Variants in C12orf42 observed in about 807,000 individuals in gnomAD.
The protein encoded by C12orf42 is chromosome 12 open reading frame 42, also known as uncharacterized protein C12orf42.
A neutral mutation model predicts 21.6 loss-of-function variants in C12orf42; 25 were observed. The ratio of observed to expected loss-of-function variants is 1.16; its 90% CI spans 0.84 to 1.62. The LOEUF (loss-of-function observed/expected upper bound fraction) is 1.62. C12orf42 is among the 40% of genes most tolerant of loss of function. The probability of loss-of-function intolerance (pLI) is 0.00; values close to 1 mark genes in which losing one functional copy is unlikely to be tolerated. For synonymous variants in C12orf42, 174 were observed against 175.0 expected (o/e 0.99, Z 0.05); for missense variants, 483 against 459.3 (o/e 1.05, Z -0.47).
the C12orf42 span, among the ~76,000 whole-genome samples, chr12:103,159,836 T>C: frequency 6.6e-6 from 1 of 152,208 alleles, no homozygotes; most frequent in Non-Finnish European, 1.5e-5. Flanking sequence ...TCTTAGTTAG[T>C]GCATGCTTAG....
At chr12:103,286,394 G>A (rs2036463798) in intron 4 of C12orf42, among the ~76,000 whole-genome samples, 1 of 151,680 alleles carries the variant, frequency 6.6e-6, no homozygotes, top group South Asian at 2.1e-4. Flanking sequence ...TGCCCATGTA[G>A]TCAGGCCTCA....
the C12orf42 span, among the ~76,000 whole-genome samples, chr12:103,230,651 G>A: frequency 6.6e-6 from 1 of 152,110 alleles, no homozygotes; most frequent in Non-Finnish European, 1.5e-5. Context: ...GAGAACAATG[G>A]CCTCTCCTTC....
intron 10 of C12orf42, among the ~76,000 whole-genome samples, chr12:103,256,520 C>T (rs2034627136): frequency 6.6e-6 from 1 of 151,566 alleles, no homozygotes; most frequent in Admixed American, 6.6e-5. Context: ...TGAATGGATC[C>T]CCGTAATAGC....
At chr12:103,490,862 T>C (rs1955141581) in intron 1 of C12orf42, among the ~76,000 whole-genome samples, 1 of 152,086 alleles carries the variant, frequency 6.6e-6, no homozygotes, top group Non-Finnish European at 1.5e-5. Flanking sequence ...ATATTATTGT[T>C]ATATATTCCT....
chr12:103,425,125 T>G (rs544711802), intron 2 of C12orf42, among the ~76,000 whole-genome samples: 8 of 152,234 alleles, frequency 5.3e-5, no homozygotes, highest in Non-Finnish European at 8.8e-5. Context: ...GTAGCCAGAC[T>G]GCCTCTCTAG....
chr12:103,475,699 C>T (rs567532866), intron 2 of C12orf42, among the ~76,000 whole-genome samples: 2 of 152,250 alleles, frequency 1.3e-5, no homozygotes, highest in South Asian at 2.1e-4. Context: ...AGTTGAGTCC[C>T]GGGCTAACAA....
intron 1 of C12orf42, among the ~76,000 whole-genome samples, chr12:103,478,820 C>A (rs1954262693): frequency 6.6e-6 from 1 of 152,030 alleles, no homozygotes; most frequent in African/African-American, 2.4e-5. Context: ...TTTAAATCAT[C>A]TTTCTAATCA....
chr12:103,302,461 G>C lies in C12orf42; in HGVS notation c.730C>G (p.Pro244Ala). The part of the protein sequence containing the change: ...STGPSNTELE[P>A]EERMAVPAGA... ...GCTGGGACTGCCATCCTCTCCTCCG[G>C]CTCGAGCTCTGTGTTACTCGGGCCG... The change falls in exon 6 of 6, where the codon CCG (proline) becomes GCG (alanine). Residue 244 changes from proline (P) to alanine (A), a missense_variant. Transcript: ENST00000548883. 2 of 1,613,728 alleles carry C rather than the reference G, an allele frequency of 1.2e-6. No homozygotes were observed. The highest frequency in any genetic ancestry group is 2.2e-5 in the South Asian group (2 of 91,084).
intron 5 of C12orf42, among the ~76,000 whole-genome samples, chr12:103,276,714 T>G (rs2035793350): frequency 6.6e-6 from 1 of 152,180 alleles, no homozygotes; most frequent in African/African-American, 2.4e-5. Context: ...TTGGGAGTGA[T>G]GTGATTTATT....
In C12orf42 at chr12:103,435,479, A is replaced by G. The variant is rs576515353; in HGVS notation, c.79-33804T>C. ...AGCTATGGGAGGACATCCAAACCAA[A>G]GGCAAAGAAGTTGAAAACTTTGAAA... is the stretch of plus-strand genomic sequence containing the variant. On this transcript the variant is annotated intron_variant, in intron 2 of 5. Coordinates refer to ENST00000548883, the MANE Select transcript of C12orf42 (RefSeq NM_198521.5). Among the ~76,000 whole-genome samples, 6 of 152,354 alleles carry G rather than the reference A, an allele frequency of 3.9e-5. No individual in the cohort carries two copies. In the South Asian group the frequency reaches 1.2e-3, roughly 32 times the overall value.
At chr12:103,370,797 G>A (rs2045140748) in intron 3 of C12orf42, among the ~76,000 whole-genome samples, 1 of 152,058 alleles carries the variant, frequency 6.6e-6, no homozygotes, top group Admixed American at 6.6e-5. Flanking sequence ...TTATTACCTG[G>A]TGAGGAAGTT....
the C12orf42 span, among the ~76,000 whole-genome samples, chr12:103,181,777 A>G: frequency 6.6e-6 from 1 of 152,168 alleles, no homozygotes; most frequent in African/African-American, 2.4e-5. Flanking sequence ...ATTTATGGAG[A>G]TTGTCTGAAA....
In C12orf42 at chr12:103,336,075, AC is replaced by A. The variant is rs77810559; in HGVS notation, c.260-29731del. On this transcript the variant is annotated intron_variant, in intron 4 of 5. Transcript: ENST00000548883. ...TTCAGCAAGTATTTGTTGAATAAAT[AC>A]TTTACTCTAAACAATCTTGAATATT... Among the ~76,000 whole-genome samples the A allele has an allele frequency of 0.013, 1,960 of 152,308 alleles. 123 individuals carry two copies. In the East Asian group the frequency reaches 0.21, roughly 17 times the overall value.
At chr12:103,138,424 C>T in the C12orf42 span, among the ~76,000 whole-genome samples, 14 of 152,198 alleles carry the variant, frequency 9.2e-5, no homozygotes, top group African/African-American at 2.2e-4. Context: ...CTCTCTCCTG[C>T]TGCCATGTGA....
chr12:103,467,289 A>G (rs1022703398), intron 2 of C12orf42, among the ~76,000 whole-genome samples: 1 of 152,216 alleles, frequency 6.6e-6, no homozygotes, highest in Non-Finnish European at 1.5e-5. Flanking sequence ...TAACCATTGT[A>G]TATTGCAACT....
chr12:103,291,396 T>C (rs1475271166), intron 4 of C12orf42, among the ~76,000 whole-genome samples: 4 of 152,192 alleles, frequency 2.6e-5, no homozygotes, highest in African/African-American at 4.8e-5. Context: ...ACAGCAGTTG[T>C]TGGCTTCATG....
rs539258168 is a variant in C12orf42, at chr12:103,343,163, T to G, written c.259+25724A>C. On this transcript the variant is annotated intron_variant, in intron 4 of 5. Transcript: ENST00000548883. The stretch of plus-strand genomic sequence containing the variant: ...TTCTACACCCAAGAAACCCACAAAA[T>G]TATTCCCCTAAATGTCTTCCCATAA... Among the ~76,000 whole-genome samples the G allele has an allele frequency of 1.4e-4, 21 of 152,308 alleles. No homozygotes were observed. In the South Asian group the frequency reaches 4.4e-3, roughly 32 times the overall value.
At chr12:103,212,973 A>G in the C12orf42 span, among the ~76,000 whole-genome samples, 1 of 152,104 alleles carries the variant, frequency 6.6e-6, no homozygotes, top group Non-Finnish European at 1.5e-5. Context: ...ATGCATATAT[A>G]TATATAATTA....
At chr12:103,204,941 A>ATT in the C12orf42 span, among the ~76,000 whole-genome samples, 1 of 152,180 alleles carries the variant, frequency 6.6e-6, no homozygotes, top group Non-Finnish European at 1.5e-5. Flanking sequence ...AAAGTTAAAA[A>ATT]AAGGGCAAAA....
Sources: gnomAD v4.1 joint callset for allele counts (sites outside exome capture counted in the v4.1 genomes callset) on GRCh38, gnomAD v4.1.1 for gene constraint, MANE v1.5 for transcripts, NCBI Gene and HGNC (gene_info 2026-07-23, HGNC 2026-07-21) for gene names.